The following DIAPH2 variants were observed in gnomAD, a reference collection of about 807,000 sequenced individuals.
The protein encoded by DIAPH2 is protein diaphanous homolog 2.
DIAPH2 carries 35 observed loss-of-function variants against 92.7 expected under a neutral mutation model. The observed-to-expected ratio is 0.38, with a 90% CI of 0.29 to 0.50. The LOEUF is 0.50. Among genes scored for constraint, DIAPH2 ranks in the 20% least tolerant of loss-of-function variants. DIAPH2 has a pLI of 0.94. For missense variants in DIAPH2, 701 were observed against 819.5 expected (o/e 0.86, Z 1.77); for synonymous variants, 301 against 280.4 (o/e 1.07, Z -0.73).
intron 20 of DIAPH2, among the ~76,000 whole-genome samples, chrX:97,102,218 G>A (rs761088014): frequency 3.0e-4 from 33 of 111,469 alleles, no homozygotes; most frequent in Middle Eastern, 4.6e-3. Context: ...TCTCACTGCC[G>A]TTTTAACAGC....
intron 5 of DIAPH2, among the ~76,000 whole-genome samples, chrX:96,909,588 A>C (rs1238616170): frequency 1.8e-5 from 2 of 110,881 alleles, no homozygotes; most frequent in Admixed American, 1.9e-4. Flanking sequence ...TTATCCCCTT[A>C]GCAACGGGCT....
chrX:96,841,421 A>G (rs1253671058), intron 4 of DIAPH2, among the ~76,000 whole-genome samples: 1 of 111,654 alleles, frequency 9.0e-6, no homozygotes. Flanking sequence ...TTCTGAAATA[A>G]TTGCCTTCTC....
chrX:96,985,857 A>G (rs2066027992), intron 17 of DIAPH2, among the ~76,000 whole-genome samples: 1 of 111,164 alleles, frequency 9.0e-6, no homozygotes, highest in South Asian at 3.8e-4. Flanking sequence ...TAGTCTTTGA[A>G]GTGTGGGGTT....
intron 4 of DIAPH2, among the ~76,000 whole-genome samples, chrX:96,785,773 G>A (rs180888586): frequency 9.1e-6 from 1 of 110,222 alleles, no homozygotes; most frequent in Admixed American, 9.7e-5. Context: ...CACCACTCCC[G>A]GCCCCGAATT....
At chrX:97,542,728 A>C (rs1363569847) in intron 26 of DIAPH2, among the ~76,000 whole-genome samples, 1 of 111,466 alleles carries the variant, frequency 9.0e-6, no homozygotes, top group Non-Finnish European at 1.9e-5. Context: ...TCCCTGACAG[A>C]ATTGTGGGTG....
intron 5 of DIAPH2, chrX:96,885,195 AT>A (rs1171317825): frequency 2.9e-6 from 2 of 698,527 alleles, no homozygotes; most frequent in East Asian, 3.3e-5. Context: ...AAAAAAAAAA[AT>A]CTCAAGTGGC....
intron 26 of DIAPH2, among the ~76,000 whole-genome samples, chrX:97,469,478 G>C (rs1466206548): frequency 1.8e-5 from 2 of 111,391 alleles, no homozygotes; most frequent in African/African-American, 6.5e-5. Flanking sequence ...CGTTTATCAT[G>C]ACCTGCATGA....
intron 25 of DIAPH2, among the ~76,000 whole-genome samples, chrX:97,390,426 C>G (rs1228610513): frequency 2.7e-5 from 3 of 109,960 alleles, no homozygotes; most frequent in African/African-American, 9.9e-5. Flanking sequence ...CGCCATGTTG[C>G]CCAGGCTGGT....
At chrX:97,546,514 GT>G (rs747097519) in intron 26 of DIAPH2, among the ~76,000 whole-genome samples, 2 of 111,247 alleles carry the variant, frequency 1.8e-5, no homozygotes, top group African/African-American at 6.5e-5. Flanking sequence ...AATAGAAGTT[GT>G]CCATCCACTA....
At chrX:97,049,780 A>G (rs1824478334) in intron 17 of DIAPH2, among the ~76,000 whole-genome samples, 1 of 111,057 alleles carries the variant, frequency 9.0e-6, no homozygotes, top group Non-Finnish European at 1.9e-5. Flanking sequence ...GTATTACTTT[A>G]TAAGTGATCT....
At chrX:97,356,571 T>C (rs2069269538) in intron 24 of DIAPH2, among the ~76,000 whole-genome samples, 1 of 112,126 alleles carries the variant, frequency 8.9e-6, no homozygotes, top group African/African-American at 3.2e-5. Flanking sequence ...GAGCAGACTT[T>C]ACTGTATTTT....
Position 96,938,191 on chromosome X carries a change from G to A in DIAPH2, c.1208+840G>A, listed in dbSNP as rs181429540. On this transcript the variant is annotated intron_variant, in intron 11 of 26. Coordinates refer to ENST00000324765, the MANE Select transcript of DIAPH2 (RefSeq NM_006729.5). The stretch of plus-strand genomic sequence containing the variant: ...CACTTCTGTGCCCCTGTGAGATTGA[G>A]GGCAGAAATGTTATGTTTAATCTTT... Among the ~76,000 whole-genome samples the A allele has an allele frequency of 9.5e-4, 105 of 111,104 alleles. 1 individual carries two copies. The highest frequency in any genetic ancestry group is 1.6e-3 in the Non-Finnish European group (85 of 52,951).
At chrX:97,542,815 G>C (rs2071150328) in intron 26 of DIAPH2, among the ~76,000 whole-genome samples, 1 of 111,060 alleles carries the variant, frequency 9.0e-6, no homozygotes, top group Admixed American at 9.7e-5. Context: ...AAACTCAGTA[G>C]CAAAAACATA....
chrX:97,401,816 A>C (rs1227580486), intron 25 of DIAPH2, among the ~76,000 whole-genome samples: 1 of 112,693 alleles, frequency 8.9e-6, no homozygotes, highest in Non-Finnish European at 1.9e-5. Context: ...CTCCAGGTCC[A>C]TAAAGCCAGT....
chrX:96,689,643 C>G (rs1328612179), intron 1 of DIAPH2, among the ~76,000 whole-genome samples: 1 of 110,550 alleles, frequency 9.0e-6, no homozygotes, highest in Non-Finnish European at 1.9e-5. Flanking sequence ...TCTTTTATAA[C>G]TTTCACCCCC....
At chrX:96,888,224 C>A (rs948315278) in intron 5 of DIAPH2, among the ~76,000 whole-genome samples, 4 of 109,312 alleles carry the variant, frequency 3.7e-5, no homozygotes, top group Non-Finnish European at 5.7e-5. Flanking sequence ...CCATGCCTGG[C>A]TAATTTTTAT....
chrX:97,549,604 A>G (rs767715157), intron 26 of DIAPH2, among the ~76,000 whole-genome samples: 1 of 111,779 alleles, frequency 8.9e-6, no homozygotes, highest in South Asian at 3.8e-4. Context: ...ATTTATCAAC[A>G]TTGGTAAATC....
At chrX:96,921,038 A>C (rs1360629071) in intron 9 of DIAPH2, among the ~76,000 whole-genome samples, 1 of 112,224 alleles carries the variant, frequency 8.9e-6, no homozygotes, top group Non-Finnish European at 1.9e-5. Flanking sequence ...TGTTTAAAAA[A>C]TATAATTAGT....
At chrX:96,734,153 A>T (rs780105510) in intron 1 of DIAPH2, among the ~76,000 whole-genome samples, 1 of 112,434 alleles carries the variant, frequency 8.9e-6, no homozygotes, top group South Asian at 3.7e-4. Flanking sequence ...GATTTGAAAC[A>T]TTTTAAACAT....
Sources: gnomAD v4.1 joint callset for allele counts (sites outside exome capture counted in the v4.1 genomes callset) on GRCh38, gnomAD v4.1.1 for gene constraint, MANE v1.5 for transcripts, NCBI Gene and HGNC (gene_info 2026-07-23, HGNC 2026-07-21) for gene names.